Variants in PLXND1 observed in about 807,000 individuals in gnomAD.
PLXND1 encodes the protein plexin D1.
Under a neutral mutation model 197.7 loss-of-function variants are expected in PLXND1, and 54 were observed. That is an observed-to-expected ratio of 0.27 (90% confidence interval 0.22 to 0.34). The LOEUF (loss-of-function observed/expected upper bound fraction) is 0.34. Among genes scored for constraint, PLXND1 ranks in the 10% least tolerant of loss-of-function variants. PLXND1 has a pLI of 1.00. For missense variants in PLXND1, 2,127 were observed against 2,699.2 expected, an observed-to-expected ratio of 0.79 and a Z score of 4.70; for synonymous variants, 1,180 against 1,161.2, an observed-to-expected ratio of 1.02 and a Z score of -0.33.
chr3:129,602,075 T>C (rs1014989236), intron 1 of PLXND1, among the ~76,000 whole-genome samples: 12 of 152,206 alleles, frequency 7.9e-5, no homozygotes, highest in African/African-American at 2.7e-4. Context: ...GGTAGAAGAA[T>C]TGTAGTCATT....
intron 5 of PLXND1, among the ~76,000 whole-genome samples, chr3:129,585,680 G>T (rs1180148623): frequency 6.6e-6 from 1 of 152,218 alleles, no homozygotes; most frequent in Non-Finnish European, 1.5e-5. Context: ...ACCACTTGGT[G>T]CCTCAGTTTC....
intron 12 of PLXND1, 56 bp from the exon 13 acceptor site, chr3:129,573,801 C>T (rs2085272023): frequency 6.3e-7 from 1 of 1,575,532 alleles, no homozygotes; most frequent in Admixed American, 1.8e-5. Context: ...GGCCAGCAGG[C>T]TTCTGCCCAC....
chr3:129,561,103 G>C (rs1380675227), intron 29 of PLXND1: 2 of 474,500 alleles, frequency 4.2e-6, no homozygotes, highest in South Asian at 3.1e-5. Context: ...ATGCAGCCAC[G>C]GGGGAGGAGG....
chr3:129,559,805 G>A (rs772863075), intron 31 of PLXND1, 22 bp from the exon 32 acceptor site: 8 of 1,567,622 alleles, frequency 5.1e-6, no homozygotes, highest in South Asian at 4.8e-5. Flanking sequence ...TGGGGTGGCC[G>A]CCGTCAGCCC....
intron 13 of PLXND1, 178 bp from the exon 14 acceptor site, chr3:129,573,119 G>T: frequency 3.3e-6 from 2 of 600,050 alleles, no homozygotes; most frequent in African/African-American, 1.9e-5. Flanking sequence ...GGACAAAAGG[G>T]TCTCTGATCA....
chr3:129,573,968 C>T (rs143309329), intron 12 of PLXND1, among the ~76,000 whole-genome samples: 9 of 152,248 alleles, frequency 5.9e-5, no homozygotes, highest in Admixed American at 2.6e-4. Context: ...GGCCTGGGGA[C>T]GCTACTTAGG....
chr3:129,560,463 G>C (rs201468615), intron 30 of PLXND1, 29 bp from the exon 31 acceptor site: 3 of 1,480,388 alleles, frequency 2.0e-6, no homozygotes, highest in Admixed American at 1.7e-5. Context: ...GTCAGTGTCC[G>C]CACCAGGCCC....
Position 129,584,192 on chromosome 3 carries a change from T to G in PLXND1, c.2071A>C (p.Asn691His). 1 of 1,587,836 alleles carries G rather than the reference T, an allele frequency of 6.3e-7. No homozygotes were observed. The highest frequency in any genetic ancestry group is 8.6e-7 in the Non-Finnish European group (1 of 1,165,762). The stretch of plus-strand genomic sequence containing the variant: ...ATGGTGAAATTGGCCTTGACGATGT[T>G]CCGCCCATTGACCCTCACAGACATC... ...VEMSVRVNGR[N>H]IVKANFTIYD... Residue 691 changes from asparagine (N) to histidine (H), a missense_variant, in exon 7 of 36, where the codon AAC (asparagine) becomes CAC (histidine). Physicochemically the swap from Asn to His is moderately conservative, Grantham distance 68 (BLOSUM62 1). Coordinates refer to ENST00000324093, the MANE Select transcript of PLXND1 (RefSeq NM_015103.3).
intron 1 of PLXND1, among the ~76,000 whole-genome samples, chr3:129,603,431 G>T (rs750126155): frequency 6.6e-6 from 1 of 152,184 alleles, no homozygotes; most frequent in Non-Finnish European, 1.5e-5. Flanking sequence ...CCAAAGGGCC[G>T]AGACACAGGG....
chr3:129,596,396 C>G (rs2085623895), intron 1 of PLXND1, among the ~76,000 whole-genome samples: 1 of 152,168 alleles, frequency 6.6e-6, no homozygotes, highest in Non-Finnish European at 1.5e-5. Context: ...CTGGACGCAG[C>G]CCCTAGACAC....
Position 129,558,169 on chromosome 3 carries a change from C to T in PLXND1, c.5445+259G>A, listed in dbSNP as rs2085001690. On this transcript the variant is annotated intron_variant, in intron 33 of 35. Coordinates refer to ENST00000324093, the MANE Select transcript of PLXND1 (RefSeq NM_015103.3). The surrounding 1 kb of genome is among the most constrained non-coding windows in gnomAD (Gnocchi z 4.1). ...CACACCGGGTTCTCAGGCCTGTGTT[C>T]AAAGCCAGTGCCAGGCACAGCTGCA... Among the ~76,000 whole-genome samples the T allele has an allele frequency of 6.6e-6, 1 of 152,224 alleles. No homozygotes were observed. Among genetic ancestry groups the T allele is most frequent in the Non-Finnish European group, 1.5e-5 (1 of 68,044 alleles).
Position 129,571,333 on chromosome 3 carries a change from G to A in PLXND1, c.3337-30C>T, listed in dbSNP as rs373938349. ...TGCAGGAGAGCCAGGGGCCCAGGCC[G>A]GGATGCAGGATGGACAGATGGGCAT... is the stretch of plus-strand genomic sequence containing the variant. On this transcript the variant is annotated intron_variant, in intron 17 of 35. Transcript: ENST00000324093. The A allele has an allele frequency of 1.5e-4, 237 of 1,600,700 alleles. 1 individual carries two copies. Among genetic ancestry groups the A allele is most frequent in the Non-Finnish European group, 1.9e-4 (220 of 1,173,484 alleles).
chr3:129,569,878 A>G lies in PLXND1; in HGVS notation c.3830T>C (p.Val1277Ala), dbSNP rs1422784258. The G allele has an allele frequency of 6.2e-7, 1 of 1,612,486 alleles. No individual in the cohort carries two copies. The change falls in exon 20 of 36, where the codon GTC becomes GCC. Residue 1277 changes from valine (V) to alanine (A), a missense_variant. This residue lies in a region of PLXND1 where 532 missense variants were observed against 811.0 expected (regional missense o/e 0.66). Transcript: ENST00000324093. ...GAGCAGCAGCAGGACGCTGCAGATG[A>G]CGATGGACACGATGATGGCCGTCTC... ...GSETAIIVSI[V>A]ICSVLLLLSV...
Position 129,606,345 on chromosome 3 carries a change from G to A in PLXND1, c.295C>T (p.Pro99Ser). The change falls in exon 1 of 36, where the codon CCC (proline) becomes TCC (serine). Residue 99 changes from proline to serine, a missense_variant. By Grantham distance (74) the Pro-to-Ser change is moderately conservative. Transcript: ENST00000324093. ...LEAEAAVGPVPDSPLCHAPQL... is the reference protein window; with the variant it reads ...LEAEAAVGPVSDSPLCHAPQL... ...GGAGCGTGACACAGCGGGCTGTCGG[G>A]CACCGGGCCCACGGCCGCCTCGGCC... 1 of 1,476,850 alleles carries A rather than the reference G, an allele frequency of 6.8e-7. No homozygotes were observed. The highest frequency in any genetic ancestry group is 8.9e-7 in the Non-Finnish European group (1 of 1,122,300). 91.5% of individuals were successfully genotyped at this position (1,476,850 alleles called of 1,614,324 possible).
At chr3:129,589,754 T>G (rs963437951) in intron 1 of PLXND1, among the ~76,000 whole-genome samples, 2 of 152,094 alleles carry the variant, frequency 1.3e-5, no homozygotes, top group African/African-American at 4.8e-5. Context: ...GGAGATGATG[T>G]TCAAGGTACA....
At chr3:129,565,753 G>T in intron 24 of PLXND1, 134 bp downstream of exon 24, 1 of 1,022,172 alleles carries the variant, frequency 9.8e-7, no homozygotes, top group Non-Finnish European at 1.4e-6. Flanking sequence ...CCAAGGTCTT[G>T]GGCATCCCGG....
At chr3:129,573,477 AAC>A (rs1323678694) in intron 13 of PLXND1, 115 bp downstream of exon 13, 1 of 1,087,234 alleles carries the variant, frequency 9.2e-7, no homozygotes, top group Non-Finnish European at 1.3e-6. Context: ...GCCACGAAGC[AAC>A]AGTCTTCCAG....
chr3:129,574,793 C>T lies in PLXND1; in HGVS notation c.2531-303G>A, dbSNP rs565804394. ...TACAGAGAAGAGGCTGACGCTCAGA[C>T]AGGAGGGACTCGCCTGAGCTCACGA... On this transcript the variant is annotated intron_variant, in intron 11 of 35. Transcript: ENST00000324093. Among the ~76,000 whole-genome samples the T allele has an allele frequency of 2.6e-5, 4 of 152,326 alleles. No individual in the cohort carries two copies. The East Asian group carries it at 7.7e-4, about 29-fold the overall frequency.
chr3:129,592,523 C>T (rs141745550), intron 1 of PLXND1, among the ~76,000 whole-genome samples: 2 of 152,118 alleles, frequency 1.3e-5, no homozygotes, highest in Non-Finnish European at 2.9e-5. Context: ...TGGGAAAAGG[C>T]GGACCAGGCG....
Sources: allele counts gnomAD v4.1 joint callset (sites outside exome capture counted in the v4.1 genomes callset), GRCh38; gene constraint gnomAD v4.1.1; regional missense constraint gnomAD v4.1.1; non-coding constraint Gnocchi (gnomAD v3.1); transcripts MANE v1.5; gene names NCBI Gene and HGNC (gene_info 2026-07-23, HGNC 2026-07-21).